MRFAP1L2: variants seen among roughly 807,000 people sequenced by gnomAD.
MRFAP1L2 encodes Morf4 family associated protein 1 like 2.
the MRFAP1L2 span, chr4:6,674,939 T>G: frequency 1.6e-5 from 3 of 186,434 alleles, no homozygotes; most frequent in Non-Finnish European, 3.3e-5. Flanking sequence ...GATATGAGAA[T>G]ATCAAGCTCA....
the MRFAP1L2 span, chr4:6,675,432 A>G: frequency 6.6e-6 from 1 of 152,180 alleles, no homozygotes; most frequent in Non-Finnish European, 1.5e-5. Flanking sequence ...CTGCCACATG[A>G]AGAACCCAAG....
chr4:6,674,456 G>T, the MRFAP1L2 span: 1 of 660,704 alleles, frequency 1.5e-6, no homozygotes, highest in East Asian at 3.2e-5. Context: ...TGCGGAGGCT[G>T]AGGAGCGGGT....
chr4:6,674,586 C>A, the MRFAP1L2 span: 1 of 627,606 alleles, frequency 1.6e-6, no homozygotes, highest in Non-Finnish European at 2.8e-6. Context: ...GGCGAGGCCG[C>A]GCGGGTCTGG....
chr4:6,675,198 T>G, the MRFAP1L2 span: 1 of 152,290 alleles, frequency 6.6e-6, no homozygotes, highest in Non-Finnish European at 1.5e-5. Flanking sequence ...CGCATTCAGT[T>G]TGGAAAAGAC....
At chr4:6,675,511 G>A in the MRFAP1L2 span, 2 of 152,262 alleles carry the variant, frequency 1.3e-5, no homozygotes, top group Non-Finnish European at 2.9e-5. Context: ...TGGTCTTGAA[G>A]AGTGGCAGTG....
the MRFAP1L2 span, chr4:6,674,297 G>GCC: frequency 1.8e-6 from 1 of 543,670 alleles, no homozygotes; most frequent in East Asian, 3.5e-5. Context: ...CGCCGGCCGC[G>GCC]AGAACCTGGC....
At chr4:6,674,091 C>T in the MRFAP1L2 span, 4 of 386,494 alleles carry the variant, frequency 1.0e-5, no homozygotes, top group African/African-American at 8.3e-5. Flanking sequence ...GGATACCGTC[C>T]TCGCTGCGGA....
the MRFAP1L2 span, chr4:6,674,399 G>A: frequency 1.5e-6 from 1 of 655,878 alleles, no homozygotes; most frequent in Non-Finnish European, 2.7e-6. Context: ...CAAGAGTGAG[G>A]TGGAGGCAGA....
chr4:6,674,126 C>G, the MRFAP1L2 span: 168 of 384,104 alleles, frequency 4.4e-4, no homozygotes, highest in South Asian at 1.1e-3. Flanking sequence ...TGTTGCTAGT[C>G]TGGTCGTTGG....
the MRFAP1L2 span, chr4:6,674,795 G>C: frequency 2.1e-6 from 1 of 478,538 alleles, no homozygotes; most frequent in African/African-American, 2.1e-5. Context: ...GGGTCACTAC[G>C]TGGGGGGAGA....
chr4:6,674,605 G>A, the MRFAP1L2 span: 1 of 597,502 alleles, frequency 1.7e-6, no homozygotes. Flanking sequence ...GGAGCGGAGC[G>A]CGGCGGGGAG....
At chr4:6,675,461 A>C in the MRFAP1L2 span, 2 of 151,036 alleles carry the variant, frequency 1.3e-5, no homozygotes, top group African/African-American at 4.8e-5. Flanking sequence ...AAAGTTGTGA[A>C]TGCGACTTTG....
At chr4:6,675,540 T>A in the MRFAP1L2 span, 1 of 152,258 alleles carries the variant, frequency 6.6e-6, no homozygotes, top group Non-Finnish European at 1.5e-5. Flanking sequence ...TGAGGACCTC[T>A]GCAGACCATC....
chr4:6,675,806 G>A, the MRFAP1L2 span: 1 of 152,194 alleles, frequency 6.6e-6, no homozygotes, highest in South Asian at 2.1e-4. Context: ...GCTGAGGAAG[G>A]AAAGCTTCAA....
At chr4:6,674,707 G>T in the MRFAP1L2 span, 7 of 523,848 alleles carry the variant, frequency 1.3e-5, no homozygotes, top group Non-Finnish European at 2.3e-5. Flanking sequence ...TTTTTCATAG[G>T]TAATTAGAGA....
At chr4:6,676,034 A>C in the MRFAP1L2 span, 2 of 152,246 alleles carry the variant, frequency 1.3e-5, no homozygotes, top group East Asian at 3.8e-4. Flanking sequence ...GTAAATAAAC[A>C]TTTTTCAAAA....
chr4:6,674,518 G>C, the MRFAP1L2 span: 1 of 670,902 alleles, frequency 1.5e-6, no homozygotes, highest in South Asian at 1.5e-5. Context: ...CGGCGCGGAT[G>C]GGCAGGCGGA....
chr4:6,674,117 G>A, the MRFAP1L2 span: 1 of 382,950 alleles, frequency 2.6e-6, no homozygotes, highest in African/African-American at 2.1e-5. Flanking sequence ...GGGGCAACCT[G>A]TTGCTAGTCT....
At chr4:6,674,588 C>A in the MRFAP1L2 span, 1 of 629,288 alleles carries the variant, frequency 1.6e-6, no homozygotes, top group Non-Finnish European at 2.8e-6. Flanking sequence ...CGAGGCCGCG[C>A]GGGTCTGGAG....
Sources: gnomAD v4.1 joint callset for allele counts on GRCh38, gnomAD v4.1.1 for gene constraint, MANE v1.5 for transcripts, NCBI Gene and HGNC (gene_info 2026-07-23, HGNC 2026-07-21) for gene names.